The following PDE1C variants were observed in gnomAD, a reference collection of about 807,000 sequenced individuals.
PDE1C encodes phosphodiesterase 1C.
Under a neutral mutation model 93.1 loss-of-function variants are expected in PDE1C, and 62 were observed. That is an observed-to-expected ratio of 0.67 (90% CI 0.54 to 0.82). PDE1C has a LOEUF of 0.82. Among genes scored for constraint, PDE1C ranks in the 40% least tolerant of loss-of-function variants. The pLI is 0.00. For synonymous variants in PDE1C, 325 were observed against 310.1 expected (o/e 1.05, Z -0.50); for missense variants, 742 against 884.6 (o/e 0.84, Z 2.04).
chr7:32,202,999 T>C (rs1241560280), intron 2 of PDE1C, among the ~76,000 whole-genome samples: 1 of 152,108 alleles, frequency 6.6e-6, no homozygotes, highest in Non-Finnish European at 1.5e-5. Flanking sequence ...TGTTTGCTCC[T>C]CCCCACACCC....
chr7:32,147,268 GAA>G (rs60286971), intron 3 of PDE1C, among the ~76,000 whole-genome samples: 9,055 of 46,158 alleles, frequency 0.2, 987 homozygotes, highest in East Asian at 0.31. Context: ...AAGAAAGAAA[GAA>G]AAAAAGAAAG....
intron 2 of PDE1C, among the ~76,000 whole-genome samples, chr7:31,886,809 T>TAGATCTTTTCGGATCTTTTCAGAAA (rs1171834353): frequency 4.0e-5 from 6 of 150,780 alleles, no homozygotes. Flanking sequence ...CTTTTCAGAA[T>TAGATCTTTTCGGATCTTTTCAGAAA]AGATCTTTTC....
the PDE1C span, among the ~76,000 whole-genome samples, chr7:31,737,619 T>C: frequency 6.6e-6 from 1 of 151,822 alleles, no homozygotes; most frequent in Admixed American, 6.6e-5. Context: ...CTGGCAAACA[T>C]GGTGAAATCC....
intron 1 of PDE1C, among the ~76,000 whole-genome samples, chr7:32,065,140 C>T (rs1795254775): frequency 6.6e-6 from 1 of 151,968 alleles, no homozygotes; most frequent in Non-Finnish European, 1.5e-5. Context: ...AGCAAACAGA[C>T]CCAACCATAC....
intron 3 of PDE1C, among the ~76,000 whole-genome samples, chr7:32,155,837 A>G (rs1801537877): frequency 6.6e-6 from 1 of 152,166 alleles, no homozygotes; most frequent in Non-Finnish European, 1.5e-5. Context: ...CTGGGATTAA[A>G]CCAGAGCTCA....
In PDE1C at chr7:32,420,392, T is replaced by TACAC. The variant is rs371089592; in HGVS notation, c.310+7426_310+7429dup. Among the ~76,000 whole-genome samples the TACAC allele has an allele frequency of 2.1e-3, 68 of 32,860 alleles. 26 individuals are homozygous for TACAC. Among genetic ancestry groups the TACAC allele is most frequent in the Non-Finnish European group, 3.3e-3 (56 of 16,772 alleles). The allele number at this position is 32,860 out of a possible 152,430, so 21.6% of individuals were successfully genotyped here. A position where few individuals can be genotyped will look rare whatever the true frequency, so the allele number is the denominator to read the frequency against. On this transcript the variant is annotated intron_variant, in intron 1 of 1. Coordinates refer to the PDE1C transcript ENST00000672256. ...GTATATATATGTGTATATATATATA[T>TACAC]ACACACACACACACACACACACATA...
chr7:31,874,577 A>G (rs904053707), intron 5 of PDE1C, among the ~76,000 whole-genome samples: 2 of 152,224 alleles, frequency 1.3e-5, no homozygotes, highest in African/African-American at 4.8e-5. Flanking sequence ...CAACTGTCAA[A>G]TTCATCCCAA....
chr7:32,184,258 G>C (rs1195113184), intron 2 of PDE1C, among the ~76,000 whole-genome samples: 7 of 152,146 alleles, frequency 4.6e-5, no homozygotes, highest in African/African-American at 1.7e-4. Context: ...CAGGGATCTA[G>C]AACTAGAAAT....
At chr7:32,147,320 GAAAGAAA>G (rs1800951918) in intron 3 of PDE1C, among the ~76,000 whole-genome samples, 1 of 136,426 alleles carries the variant, frequency 7.3e-6, no homozygotes, top group African/African-American at 3.1e-5. Context: ...AAGAAAGAAA[GAAAGAAA>G]GAAAGACGCT....
intron 1 of PDE1C, among the ~76,000 whole-genome samples, chr7:32,398,922 A>G (rs899331139): frequency 6.6e-6 from 1 of 152,154 alleles, no homozygotes; most frequent in Non-Finnish European, 1.5e-5. Context: ...ACCAGCACAT[A>G]GGGTAACTTT....
Position 31,762,731 on chromosome 7 carries a change from A to G in PDE1C, c.1961-9178T>C, listed in dbSNP as rs569109773. 4.0e-3 allele frequency among the ~76,000 whole-genome samples: 604 copies of G among 152,184 alleles called. 5 individuals carry two copies. Among genetic ancestry groups the G allele is most frequent in the African/African-American group, 0.014 (577 of 41,520 alleles). ...AATTCTCTATGGCTTCCATTTTTTC[A>G]TCACACAGAGCAAAGAATGCAGGGG... On this transcript the variant is annotated intron_variant, in intron 17 of 17. Transcript: ENST00000396191.
At chr7:32,355,245 C>T (rs1173862928) in intron 1 of PDE1C, among the ~76,000 whole-genome samples, 3 of 152,178 alleles carry the variant, frequency 2.0e-5, no homozygotes, top group Non-Finnish European at 4.4e-5. Context: ...ATAAGGGGAG[C>T]TCTGAGCTTC....
chr7:32,173,511 A>AAC (rs1802784484), intron 2 of PDE1C, among the ~76,000 whole-genome samples: 2 of 152,026 alleles, frequency 1.3e-5, no homozygotes, highest in Non-Finnish European at 2.9e-5. Flanking sequence ...AAATAACAAT[A>AAC]AATAAAAATT....
At chr7:31,999,687 T>TGAGA (rs1430196919) in intron 2 of PDE1C, among the ~76,000 whole-genome samples, 1 of 152,146 alleles carries the variant, frequency 6.6e-6, no homozygotes, top group Non-Finnish European at 1.5e-5. Context: ...GAACTCAAGG[T>TGAGA]GAGATATCAA....
chr7:31,807,135 T>C (rs2128705427), intron 16 of PDE1C, among the ~76,000 whole-genome samples: 1 of 152,074 alleles, frequency 6.6e-6, no homozygotes, highest in Admixed American at 6.6e-5. Flanking sequence ...AGTAATGATG[T>C]CATATTAGTC....
At chr7:31,807,930 T>TAA (rs3840587) in intron 16 of PDE1C, among the ~76,000 whole-genome samples, 28 of 145,560 alleles carry the variant, frequency 1.9e-4, no homozygotes, top group African/African-American at 2.5e-4. Context: ...AGCACATTGG[T>TAA]AAAAAAAAAA....
At chr7:31,920,877 C>T (rs2128958156) in intron 2 of PDE1C, among the ~76,000 whole-genome samples, 1 of 152,312 alleles carries the variant, frequency 6.6e-6, no homozygotes, top group Non-Finnish European at 1.5e-5. Flanking sequence ...AACTCGTAGT[C>T]AAGTCTCCAT....
chr7:32,311,428 A>G (rs936732227), intron 1 of PDE1C, among the ~76,000 whole-genome samples: 2 of 152,246 alleles, frequency 1.3e-5, no homozygotes, highest in Admixed American at 6.5e-5. Flanking sequence ...TCCTGATACC[A>G]AAGCCAGGTA....
intron 11 of PDE1C, among the ~76,000 whole-genome samples, chr7:31,828,999 T>G (rs4723103): frequency 3.3e-5 from 5 of 152,064 alleles, no homozygotes; most frequent in Admixed American, 2.0e-4. Flanking sequence ...CCAAAAAGCA[T>G]CACCATAATA....
Sources: allele counts gnomAD v4.1 joint callset (sites outside exome capture counted in the v4.1 genomes callset), GRCh38; gene constraint gnomAD v4.1.1; transcripts MANE v1.5; gene names NCBI Gene and HGNC (gene_info 2026-07-23, HGNC 2026-07-21).